Variants in PCID2 observed in about 807,000 individuals in gnomAD.
PCID2 encodes the protein PCI domain-containing protein 2.
A neutral mutation model predicts 61.3 loss-of-function variants in PCID2; 41 were observed. The observed-to-expected ratio is 0.67, with a 90% CI of 0.52 to 0.87. The LOEUF is 0.87. PCID2 is among the 40% of genes least tolerant of loss of function. The pLI is 0.00. For missense variants in PCID2, 392 were observed against 493.4 expected (o/e 0.79, Z 1.95); for synonymous variants, 187 against 177.8 (o/e 1.05, Z -0.41).
At chr13:113,180,390 C>T (rs980310766) in intron 10 of PCID2, among the ~76,000 whole-genome samples, 159 bp from the exon 11 acceptor site, 1 of 152,234 alleles carries the variant, frequency 6.6e-6, no homozygotes, top group Non-Finnish European at 1.5e-5. Context: ...GAAAACAACA[C>T]AGGTCTAGAA....
Position 113,200,435 on chromosome 13 carries a change from G to A in PCID2, c.118C>T (p.Arg40Ter), listed in dbSNP as rs1434744507. The A allele has an allele frequency of 6.2e-6, 10 of 1,603,062 alleles. No homozygotes were observed. Among genetic ancestry groups the A allele is most frequent in the East Asian group, 4.5e-5 (2 of 44,832 alleles). The change falls in exon 2 of 14, where the codon CGA becomes TGA. Residue 40 changes from arginine (R) to a stop codon, truncating the protein, a stop_gained. Coordinates refer to ENST00000337344, the MANE Select transcript of PCID2 (RefSeq NM_001127202.4). LOFTEE classifies it high-confidence loss of function. ...ACAGCTCTTTCACCTACTTGAAGTC[G>A]TGGGTTTGCAACATGAGGATGTTTA... ...SFKHPHVANP[R>*]LQMASPEEKC...
chr13:113,194,910 C>A (rs1017345197), intron 6 of PCID2, among the ~76,000 whole-genome samples, 161 bp downstream of exon 6: 2 of 152,174 alleles, frequency 1.3e-5, no homozygotes, highest in Non-Finnish European at 2.9e-5. Flanking sequence ...TTGGTGTTAA[C>A]CCAGAAAGAA....
At position 113,178,066 on chromosome 13, in the gene PCID2, A is replaced by G. The variant is rs1351696801; in HGVS notation, c.*132T>C. 5.2e-6 allele frequency: 3 copies of G among 573,342 alleles called. No individual in the cohort carries two copies. The highest frequency in any genetic ancestry group is 9.4e-6 in the Non-Finnish European group (3 of 319,060). 35.5% of individuals were successfully genotyped at this position (573,342 alleles called of 1,614,324 possible). A position where few individuals can be genotyped will look rare whatever the true frequency, so the allele number is the denominator to read the frequency against. ...CGGGTGTGCTGAAAATCTCAGCCTCAGCATCCCTGGGAAAAGCGCCTCCAA... is the reference window on the plus strand; with the variant it reads ...CGGGTGTGCTGAAAATCTCAGCCTCGGCATCCCTGGGAAAAGCGCCTCCAA... On this transcript the variant is annotated 3_prime_UTR_variant, in exon 14 of 14. Coordinates refer to ENST00000337344, the MANE Select transcript of PCID2 (RefSeq NM_001127202.4).
intron 1 of PCID2, among the ~76,000 whole-genome samples, chr13:113,201,384 G>A (rs925869018): frequency 3.9e-5 from 6 of 152,180 alleles, no homozygotes; most frequent in Non-Finnish European, 7.3e-5. Flanking sequence ...TGCAGGGCCT[G>A]TACCATACCA....
the PCID2 span, chr13:113,171,670 C>T: frequency 2.1e-5 from 34 of 1,613,928 alleles, no homozygotes; most frequent in East Asian, 1.6e-4. The surrounding 1 kb of genome is among the most constrained non-coding windows in gnomAD (Gnocchi z 5.1). Flanking sequence ...ATGACGCGGA[C>T]GCGGGGGAGA....
At chr13:113,182,190 T>C (rs909680178) in intron 9 of PCID2, among the ~76,000 whole-genome samples, 4 of 152,132 alleles carry the variant, frequency 2.6e-5, no homozygotes, top group Non-Finnish European at 5.9e-5. Context: ...GGGGTCTGGG[T>C]CGAGGCCTAG....
At chr13:113,191,919 A>G (rs1595211704) in intron 6 of PCID2, among the ~76,000 whole-genome samples, 1 of 152,312 alleles carries the variant, frequency 6.6e-6, no homozygotes, top group East Asian at 1.9e-4. Flanking sequence ...CTCTGCAATC[A>G]ATCAGTCAAT....
At chr13:113,189,938 G>C (rs1334366692) in intron 7 of PCID2, among the ~76,000 whole-genome samples, 1 of 151,970 alleles carries the variant, frequency 6.6e-6, no homozygotes, top group East Asian at 1.9e-4. Flanking sequence ...CAGGAGAATG[G>C]CTTGAACCCA....
rs1002586566 is a variant in PCID2, at chr13:113,179,601, G to A, written c.986+316C>T. On this transcript the variant is annotated intron_variant, in intron 12 of 13. Transcript: ENST00000337344. The surrounding 1 kb of genome is among the most constrained non-coding windows in gnomAD (Gnocchi z 4.3). ...CTACTTGGTCAGCACTAAGGGAGGG[G>A]AGTGAGTGGCGAGTCCTGTGTGCTC... is the stretch of plus-strand genomic sequence containing the variant. Among the ~76,000 whole-genome samples the A allele has an allele frequency of 6.6e-6, 1 of 152,164 alleles. No homozygotes were observed. Among genetic ancestry groups the A allele is most frequent in the African/African-American group, 2.4e-5 (1 of 41,430 alleles).
chr13:113,203,422 G>T (rs1377145058), intron 1 of PCID2, among the ~76,000 whole-genome samples: 1 of 152,190 alleles, frequency 6.6e-6, no homozygotes, highest in Non-Finnish European at 1.5e-5. Context: ...CATAGCCCTG[G>T]CCACAGGTTT....
downstream of PCID2, among the ~76,000 whole-genome samples, chr13:113,174,820 CT>C (rs1464906264): frequency 1.3e-5 from 2 of 152,208 alleles, no homozygotes; most frequent in Non-Finnish European, 2.9e-5. Flanking sequence ...CTAGTTCACA[CT>C]TGGGCAGAGA....
chr13:113,180,887 T>G (rs1174325150), intron 10 of PCID2, among the ~76,000 whole-genome samples: 1 of 152,222 alleles, frequency 6.6e-6, no homozygotes, highest in African/African-American at 2.4e-5. Context: ...ACTCTTGAGT[T>G]AAATACTTTT....
chr13:113,186,635 C>T (rs2038139168), intron 7 of PCID2: 1 of 152,080 alleles, frequency 6.6e-6, no homozygotes, highest in Non-Finnish European at 1.5e-5. Context: ...CGGAGTCTCA[C>T]ACTGTATTTT....
At chr13:113,169,907 CGGACTCTGTTCTGCA>C in the PCID2 span, among the ~76,000 whole-genome samples, 7 of 152,242 alleles carry the variant, frequency 4.6e-5, no homozygotes, top group South Asian at 4.1e-4. Context: ...TCTCCTCTGC[CGGACTCTGTTCTGCA>C]GGACTCTGTT....
intron 7 of PCID2, among the ~76,000 whole-genome samples, chr13:113,190,214 C>T (rs959280201): frequency 2.0e-4 from 30 of 149,206 alleles, no homozygotes; most frequent in African/African-American, 7.4e-4. Context: ...CCCAATGAAC[C>T]CTAAACAGAA....
chr13:113,181,033 T>C, intron 10 of PCID2, 97 bp downstream of exon 10: 1 of 791,882 alleles, frequency 1.3e-6, no homozygotes, highest in Non-Finnish European at 2.2e-6. Context: ...CAGGCTGTGA[T>C]CAACTACAGA....
the PCID2 span, chr13:113,171,782 C>G: frequency 1.9e-6 from 3 of 1,612,792 alleles, no homozygotes; most frequent in South Asian, 3.3e-5. This position sits in a 1 kb window ranked among gnomAD's most constrained non-coding sequence, Gnocchi z 5.1. Context: ...CCTCCTCATC[C>G]CACGCACCAG....
In PCID2 at chr13:113,180,355, G is replaced by C. The variant is rs982330184; in HGVS notation, c.787-124C>G. On this transcript the variant is annotated intron_variant, in intron 10 of 13. Coordinates refer to ENST00000337344, the MANE Select transcript of PCID2 (RefSeq NM_001127202.4). ...ACCTGAGTTTCTTAGAATGTCCATG[G>C]ATTAAACACATCATAGTACACTAGG... 1.8e-5 allele frequency: 13 copies of C among 716,190 alleles called. No individual in the cohort carries two copies. The African/African-American group carries it at 2.1e-4, about 12-fold the overall frequency. The allele number at this position is 716,190 out of a possible 1,614,324, so 44.4% of individuals were successfully genotyped here.
At position 113,178,326 on chromosome 13, in the gene PCID2, G is replaced by T. The variant is rs1441238637; in HGVS notation, c.1111-39C>A. ...AGGGAGGAATGCGTTTACATTTTTG[G>T]ATCTGAGTCATGTCAAAGATGCTGG... On this transcript the variant is annotated intron_variant, in intron 13 of 13. Transcript: ENST00000337344. 5 of 1,478,130 alleles carry T rather than the reference G, an allele frequency of 3.4e-6. No homozygotes were observed. The African/African-American group carries it at 6.9e-5, about 20-fold the overall frequency. The allele number at this position is 1,478,130 out of a possible 1,614,324, so 91.6% of individuals were successfully genotyped here.
Sources: gnomAD v4.1 joint callset for allele counts (sites outside exome capture counted in the v4.1 genomes callset) on GRCh38, gnomAD v4.1.1 for gene constraint, Gnocchi (gnomAD v3.1) non-coding constraint, MANE v1.5 for transcripts, NCBI Gene and HGNC (gene_info 2026-07-23, HGNC 2026-07-21) for gene names.